SYN3: variants seen among roughly 807,000 people sequenced by gnomAD.
The protein encoded by SYN3 is synapsin-3.
In SYN3, 35 loss-of-function variants were observed where a neutral mutation model predicts 65.8. That is an observed-to-expected ratio of 0.53 (90% CI 0.41 to 0.70). SYN3 has a LOEUF of 0.70. Ranked by LOEUF, SYN3 falls within the 30% of genes least tolerant of loss-of-function variation. The probability of loss-of-function intolerance (pLI) is 0.00; values close to 1 mark genes in which losing one functional copy is unlikely to be tolerated. For synonymous variants in SYN3, 270 were observed against 292.9 expected (o/e 0.92, Z 0.80); for missense variants, 680 against 749.0 (o/e 0.91, Z 1.08).
intron 6 of SYN3, among the ~76,000 whole-genome samples, chr22:32,805,293 T>C (rs768727014): frequency 5.3e-5 from 8 of 152,160 alleles, no homozygotes; most frequent in Non-Finnish European, 1.2e-4. Context: ...CAAATTGTTC[T>C]GACAGGGGCC....
intron 1 of SYN3, among the ~76,000 whole-genome samples, chr22:33,033,518 G>A (rs1006949097): frequency 6.6e-6 from 1 of 151,990 alleles, no homozygotes; most frequent in Non-Finnish European, 1.5e-5. Context: ...TTTCTGTTTA[G>A]CCAGAGGGCT....
In SYN3 at chr22:32,517,152, C is replaced by T. The variant is rs181715550; in HGVS notation, c.1610+891G>A. On this transcript the variant is annotated intron_variant, in intron 13 of 13. Coordinates refer to ENST00000358763, the MANE Select transcript of SYN3 (RefSeq NM_003490.4). ...TTGAGATGTGACTTCATGGCTCCTC[C>T]TACCAAAAATTTATTTCCTACCTCT... Among the ~76,000 whole-genome samples, 5 of 152,334 alleles carry T rather than the reference C, an allele frequency of 3.3e-5. No individual in the cohort carries two copies. In the East Asian group the frequency reaches 9.6e-4, roughly 29 times the overall value.
At chr22:32,764,385 C>T (rs1280039810) in intron 6 of SYN3, among the ~76,000 whole-genome samples, 1 of 152,186 alleles carries the variant, frequency 6.6e-6, no homozygotes, top group Non-Finnish European at 1.5e-5. Flanking sequence ...ACCCCCAACC[C>T]CCAACTTCAC....
chr22:32,867,856 C>T (rs1374870879), intron 5 of SYN3, among the ~76,000 whole-genome samples: 1 of 152,186 alleles, frequency 6.6e-6, no homozygotes, highest in African/African-American at 2.4e-5. Flanking sequence ...GCTGGGATTA[C>T]AGGCGTGAGC....
chr22:32,788,670 G>T (rs1268164319), intron 6 of SYN3, among the ~76,000 whole-genome samples: 1 of 136,540 alleles, frequency 7.3e-6, no homozygotes, highest in East Asian at 2.4e-4. Context: ...TTTAGATTAT[G>T]TGCAAATACT....
chr22:32,528,120 A>C, intron 11 of SYN3, 115 bp from the exon 12 acceptor site: 4 of 816,088 alleles, frequency 4.9e-6, no homozygotes, highest in Admixed American at 2.9e-5. Context: ...CTTACACATA[A>C]AGTGTACAGT....
intron 4 of SYN3, among the ~76,000 whole-genome samples, chr22:32,911,549 G>A (rs1423118684): frequency 6.6e-6 from 1 of 152,116 alleles, no homozygotes; most frequent in Non-Finnish European, 1.5e-5. Flanking sequence ...GGATGGGAGG[G>A]GGGCAGCAGG....
At chr22:32,954,942 C>CTTTTTTT (rs770971735) in intron 3 of SYN3, among the ~76,000 whole-genome samples, 27 of 118,934 alleles carry the variant, frequency 2.3e-4, no homozygotes, top group African/African-American at 6.0e-4. Flanking sequence ...TTTTCCTTTT[C>CTTTTTTT]TTTTTTTTTT....
intron 6 of SYN3, among the ~76,000 whole-genome samples, chr22:32,721,741 T>A (rs1171855746): frequency 2.0e-5 from 3 of 152,208 alleles, no homozygotes; most frequent in Non-Finnish European, 4.4e-5. Context: ...AGGGGGCAGA[T>A]GGTAAACAAC....
chr22:32,739,990 C>T (rs2061384397), intron 6 of SYN3, among the ~76,000 whole-genome samples: 1 of 152,208 alleles, frequency 6.6e-6, no homozygotes, highest in African/African-American at 2.4e-5. Context: ...GAGAAAGATG[C>T]TAAATCCCTG....
intron 6 of SYN3, among the ~76,000 whole-genome samples, chr22:32,630,765 G>T (rs529268196): frequency 3.3e-5 from 5 of 152,320 alleles, no homozygotes; most frequent in African/African-American, 1.2e-4. Flanking sequence ...ATGCTTCAGT[G>T]GGTGTTCACT....
chr22:32,570,124 C>T (rs1349050568), intron 7 of SYN3, among the ~76,000 whole-genome samples: 2 of 152,100 alleles, frequency 1.3e-5, no homozygotes, highest in African/African-American at 2.4e-5. Context: ...CTTCCGAGGT[C>T]GATTAAACAT....
chr22:32,997,263 T>C (rs900984650), intron 2 of SYN3, among the ~76,000 whole-genome samples: 3 of 152,200 alleles, frequency 2.0e-5, no homozygotes, highest in Admixed American at 6.5e-5. Context: ...ATGAAAGCCA[T>C]TGAACCCCTG....
intron 6 of SYN3, among the ~76,000 whole-genome samples, chr22:32,612,944 C>G (rs1373264297): frequency 1.3e-5 from 2 of 152,156 alleles, no homozygotes; most frequent in South Asian, 4.1e-4. Flanking sequence ...GACCTGGTGG[C>G]AGGTGATCGG....
intron 1 of SYN3, among the ~76,000 whole-genome samples, chr22:33,058,080 G>T (rs2054282532): frequency 6.6e-6 from 1 of 152,142 alleles, no homozygotes; most frequent in East Asian, 2.0e-4. Context: ...CCGGCCCAGG[G>T]CCCCGGCAGC....
At chr22:32,578,852 G>C (rs766773951) in intron 7 of SYN3, among the ~76,000 whole-genome samples, 1 of 152,186 alleles carries the variant, frequency 6.6e-6, no homozygotes, top group Admixed American at 6.5e-5. Flanking sequence ...AATATTTTAG[G>C]CTTTGTAGGA....
chr22:32,664,060 G>C (rs961964280), intron 6 of SYN3, among the ~76,000 whole-genome samples: 133 of 152,262 alleles, frequency 8.7e-4, no homozygotes, highest in African/African-American at 3.1e-3. Flanking sequence ...AGAGAACCCT[G>C]CTCTGCTCAC....
At chr22:32,992,288 G>T (rs1476761141) in intron 2 of SYN3, among the ~76,000 whole-genome samples, 2 of 152,212 alleles carry the variant, frequency 1.3e-5, no homozygotes, top group Non-Finnish European at 2.9e-5. Context: ...TTCCCAAATG[G>T]GTAGCCCAGC....
rs561301779 is a variant in SYN3 at position 33,045,533 on chromosome 22, T to C, written c.-163+12759A>G. Among the ~76,000 whole-genome samples the C allele has an allele frequency of 3.5e-5, 5 of 142,246 alleles. No individual in the cohort carries two copies. The East Asian group carries it at 1.1e-3, about 31-fold the overall frequency. 93.3% of individuals were successfully genotyped at this position (142,246 alleles called of 152,430 possible). On this transcript the variant is annotated intron_variant, in intron 1 of 13. Coordinates refer to ENST00000358763, the MANE Select transcript of SYN3 (RefSeq NM_003490.4). ...CCCAGGCTGGAGTGCAGTGGCATGA[T>C]CTCAGCTCACTGCAAGCTCTGCCTC... is the stretch of plus-strand genomic sequence containing the variant.
Sources: gnomAD v4.1 joint callset for allele counts (sites outside exome capture counted in the v4.1 genomes callset) on GRCh38, gnomAD v4.1.1 for gene constraint, MANE v1.5 for transcripts, NCBI Gene and HGNC (gene_info 2026-07-23, HGNC 2026-07-21) for gene names.